Variants in COBL observed in about 807,000 individuals in gnomAD.
The protein encoded by COBL is protein cordon-bleu.
Under a neutral mutation model 98.8 loss-of-function variants are expected in COBL, and 51 were observed. That is an observed-to-expected ratio of 0.52 (90% CI 0.41 to 0.65). The LOEUF (loss-of-function observed/expected upper bound fraction) is 0.65. Ranked by LOEUF, COBL falls within the 30% of genes least tolerant of loss-of-function variation. The pLI is 0.00. For synonymous variants in COBL, 634 were observed against 651.7 expected, an observed-to-expected ratio of 0.97 and a Z score of 0.41; for missense variants, 1,617 against 1,617.5, an observed-to-expected ratio of 1.00 and a Z score of 0.01.
chr7:51,180,281 G>A (rs1584076493), intron 5 of COBL, among the ~76,000 whole-genome samples: 1 of 152,092 alleles, frequency 6.6e-6, no homozygotes, highest in Admixed American at 6.6e-5. Context: ...GTTCCTTGTC[G>A]ACATGGTTCC....
chr7:51,069,479 G>T (rs1280985730), intron 7 of COBL, among the ~76,000 whole-genome samples: 1 of 152,234 alleles, frequency 6.6e-6, no homozygotes, highest in Non-Finnish European at 1.5e-5. Flanking sequence ...GGCAAGTGCC[G>T]GCCTGTGCTC....
At chr7:51,175,595 G>A (rs139336642) in intron 5 of COBL, among the ~76,000 whole-genome samples, 1 of 152,168 alleles carries the variant, frequency 6.6e-6, no homozygotes, top group Non-Finnish European at 1.5e-5. Flanking sequence ...GGTATCTCTT[G>A]CTCAGGAAAG....
chr7:51,166,986 C>G (rs182541169), intron 5 of COBL, among the ~76,000 whole-genome samples: 9 of 152,254 alleles, frequency 5.9e-5, no homozygotes, highest in African/African-American at 2.2e-4. Flanking sequence ...AATAGACCCA[C>G]AGCTAGTATC....
At chr7:51,033,244 C>T (rs892712023) in intron 8 of COBL, 1 of 152,140 alleles carries the variant, frequency 6.6e-6, no homozygotes, top group East Asian at 1.9e-4. Context: ...TATCAAAAAA[C>T]ACACAAACAA....
chr7:51,208,434 G>T (rs1213527011), intron 2 of COBL, among the ~76,000 whole-genome samples: 1 of 48,092 alleles, frequency 2.1e-5, no homozygotes, highest in East Asian at 9.9e-4. Context: ...CCGGGAGGGA[G>T]GTGGGGGGGG....
At chr7:51,073,356 C>A (rs1373350727) in intron 7 of COBL, 2 of 696,782 alleles carry the variant, frequency 2.9e-6, no homozygotes, top group South Asian at 1.5e-5. Flanking sequence ...AAGCGCTTGG[C>A]CTGAGTAGGG....
intron 7 of COBL, chr7:51,083,262 G>T: frequency 7.0e-7 from 1 of 1,428,196 alleles, no homozygotes; most frequent in Non-Finnish European, 9.1e-7. Context: ...ACTTCAGCAG[G>T]TTAAACCAAG....
At chr7:51,111,600 C>T (rs1357809237) in intron 6 of COBL, among the ~76,000 whole-genome samples, 2 of 152,206 alleles carry the variant, frequency 1.3e-5, no homozygotes, top group African/African-American at 2.4e-5. Context: ...GTCCTGTCCT[C>T]ACGACCCATC....
intron 1 of COBL, among the ~76,000 whole-genome samples, chr7:51,290,851 G>A (rs1258021826): frequency 1.3e-5 from 2 of 152,134 alleles, no homozygotes; most frequent in African/African-American, 4.8e-5. Flanking sequence ...GCCACTCCCT[G>A]AAGCAGGGTG....
intron 8 of COBL, chr7:51,035,382 G>A (rs1446645947): frequency 1.3e-5 from 2 of 151,288 alleles, no homozygotes; most frequent in Admixed American, 1.3e-4. Context: ...AAAAAAGTCT[G>A]AGAGGAGAGA....
intron 1 of COBL, among the ~76,000 whole-genome samples, chr7:51,315,385 G>C (rs1445150142): frequency 1.3e-5 from 2 of 152,110 alleles, no homozygotes; most frequent in Non-Finnish European, 2.9e-5. Flanking sequence ...ATTTTAAAAA[G>C]AGCCCGACTG....
At chr7:51,204,469 A>G (rs747746250) in intron 2 of COBL, among the ~76,000 whole-genome samples, 1 of 152,200 alleles carries the variant, frequency 6.6e-6, no homozygotes, top group Non-Finnish European at 1.5e-5. Flanking sequence ...GAAAGCTCTG[A>G]AAACTCAACA....
chr7:51,074,730 T>C lies in COBL; in HGVS notation c.1096+10436A>G, dbSNP rs1792895276. Among the ~76,000 whole-genome samples, 3 of 152,340 alleles carry C rather than the reference T, an allele frequency of 2.0e-5. No homozygotes were observed. In the South Asian group the frequency reaches 6.2e-4, roughly 32 times the overall value. ...TCTGTTCTCAGGTTTCTTAACTAAA[T>C]AATATTACTTCTTTTCACCATTTCT... On this transcript the variant is annotated intron_variant, in intron 7 of 12. Transcript: ENST00000265136.
chr7:51,073,085 T>C (rs905028967), intron 7 of COBL: 1 of 352,044 alleles, frequency 2.8e-6, no homozygotes, highest in African/African-American at 2.1e-5. Flanking sequence ...CAGGAACATT[T>C]CCAAGTATCA....
chr7:51,256,381 C>T (rs1428534447), intron 1 of COBL, among the ~76,000 whole-genome samples: 2 of 152,208 alleles, frequency 1.3e-5, no homozygotes, highest in Non-Finnish European at 2.9e-5. Flanking sequence ...AAGCTGACTC[C>T]CAGGGCCACA....
At chr7:51,284,511 A>T (rs920055593) in intron 1 of COBL, among the ~76,000 whole-genome samples, 1 of 151,698 alleles carries the variant, frequency 6.6e-6, no homozygotes. Flanking sequence ...AAATAAAAAA[A>T]AAAAACTTCC....
rs150220289 is a variant in COBL, at chr7:51,038,089, T to C, written c.1406+5294A>G. Among the ~76,000 whole-genome samples, 189 of 152,290 alleles carry C rather than the reference T, an allele frequency of 1.2e-3. 2 individuals carry two copies. Among genetic ancestry groups the C allele is most frequent in the South Asian group, 3.9e-3 (19 of 4,826 alleles). ...CTGGTCTTGAACTCCTGACCTTAGG[T>C]GATCCACCTGCCTCGGCCTCTCAAA... On this transcript the variant is annotated intron_variant, in intron 8 of 12. Coordinates refer to ENST00000265136, the MANE Select transcript of COBL (RefSeq NM_015198.5).
chr7:51,211,184 C>G (rs1406293406), intron 2 of COBL, among the ~76,000 whole-genome samples: 4 of 152,220 alleles, frequency 2.6e-5, no homozygotes, highest in Admixed American at 2.6e-4. Flanking sequence ...TCTGACCTCT[C>G]CTCCTCACCA....
intron 1 of COBL, among the ~76,000 whole-genome samples, chr7:51,228,697 C>T (rs1794439064): frequency 6.6e-6 from 1 of 152,094 alleles, no homozygotes; most frequent in African/African-American, 2.4e-5. Context: ...TATCTCACAA[C>T]ACATCAAGTA....
Sources: allele counts gnomAD v4.1 joint callset (sites outside exome capture counted in the v4.1 genomes callset), GRCh38; gene constraint gnomAD v4.1.1; transcripts MANE v1.5; gene names NCBI Gene and HGNC (gene_info 2026-07-23, HGNC 2026-07-21).